The following ZNF391 variants were observed in gnomAD, a reference collection of about 807,000 sequenced individuals.
ZNF391 encodes the protein zinc finger protein 391.
For synonymous variants in ZNF391, 126 were observed against 142.1 expected, an observed-to-expected ratio of 0.89 and a Z score of 0.80; for missense variants, 375 against 425.5, an observed-to-expected ratio of 0.88 and a Z score of 1.04.
Position 27,403,465 on chromosome 6 carries a change from G to C in ZNF391, c.*2018G>C, listed in dbSNP as rs1206918775. ...CTTCTTAGAAATCCTTTGTAGTGAT[G>C]GTTTGCATTATTCTCCTGTATTAGA... On this transcript the variant is annotated 3_prime_UTR_variant, in exon 3 of 3. Transcript: ENST00000244576. 6.6e-6 allele frequency: 1 copy of C among 152,036 alleles called. No homozygotes were observed. The highest frequency in any genetic ancestry group is 2.4e-5 in the African/African-American group (1 of 41,376). The allele number at this position is 152,036 out of a possible 1,614,324, so 9.4% of individuals were successfully genotyped here.
At chr6:27,388,046 C>G (rs1761612536), upstream of ZNF391, among the ~76,000 whole-genome samples, 1 of 152,084 alleles carries the variant, frequency 6.6e-6, no homozygotes, top group African/African-American at 2.4e-5. Context: ...TGTCATGTAT[C>G]AGACCTGCAG....
intron 1 of ZNF391, among the ~76,000 whole-genome samples, chr6:27,378,809 G>A (rs558303062): frequency 1.3e-5 from 2 of 152,080 alleles, no homozygotes; most frequent in Non-Finnish European, 2.9e-5. Context: ...GTGCATGGTG[G>A]CATGTGCCTA....
chr6:27,395,426 G>A (rs1209080094), intron 1 of ZNF391, among the ~76,000 whole-genome samples: 1 of 151,888 alleles, frequency 6.6e-6, no homozygotes, highest in Non-Finnish European at 1.5e-5. Context: ...TTCACCTTCC[G>A]TTGTGAGTAA....
At chr6:27,382,031 T>C (rs1376558567) in intron 1 of ZNF391, among the ~76,000 whole-genome samples, 3 of 15,502 alleles carry the variant, frequency 1.9e-4, no homozygotes, top group Non-Finnish European at 3.1e-4. Context: ...CAAGACTCCA[T>C]CTCAAAAAAA....
chr6:27,392,329 C>T (rs1283293295), intron 1 of ZNF391, among the ~76,000 whole-genome samples: 2 of 152,142 alleles, frequency 1.3e-5, no homozygotes, highest in African/African-American at 4.8e-5. Flanking sequence ...AGTCTTGGCT[C>T]ACTGCAACCT....
At chr6:27,383,914 C>A (rs1220058386), upstream of ZNF391, among the ~76,000 whole-genome samples, 1 of 152,154 alleles carries the variant, frequency 6.6e-6, no homozygotes. Flanking sequence ...AGATTTACAT[C>A]TGACTTCTCA....
chr6:27,388,854 C>A lies in ZNF391; in HGVS notation c.-409C>A, dbSNP rs374834053. 4 of 452,296 alleles carry A rather than the reference C, an allele frequency of 8.8e-6. No individual in the cohort carries two copies. Among genetic ancestry groups the A allele is most frequent in the South Asian group, 6.3e-5 (4 of 63,808 alleles). The allele number at this position is 452,296 out of a possible 1,614,324, so 28.0% of individuals were successfully genotyped here. On this transcript the variant is annotated 5_prime_UTR_variant, in exon 1 of 3. Transcript: ENST00000244576. ...GACTGGTCCCGCATACCGAGCAGAG[C>A]ATGATCAGCAGCAGTCTGAGTGGAA...
At chr6:27,398,588 G>A (rs1399739461) in intron 1 of ZNF391, among the ~76,000 whole-genome samples, 1 of 152,220 alleles carries the variant, frequency 6.6e-6, no homozygotes, top group Non-Finnish European at 1.5e-5. Flanking sequence ...GCCAGGCGCA[G>A]TGGCTCACGC....
Position 27,400,318 on chromosome 6 carries a change from G to T in ZNF391, c.-53G>T. ...ATAGGGGGATTTGAGCTGAACCAAA[G>T]CATCAACACCAATCAGACTGTTTCC... On this transcript the variant is annotated 5_prime_UTR_variant, in exon 3 of 3. Transcript: ENST00000244576. 1 of 1,421,862 alleles carries T rather than the reference G, an allele frequency of 7.0e-7. No individual in the cohort carries two copies. The highest frequency in any genetic ancestry group is 9.6e-7 in the Non-Finnish European group (1 of 1,044,038). The allele number at this position is 1,421,862 out of a possible 1,614,324, so 88.1% of individuals were successfully genotyped here. A position where few individuals can be genotyped will look rare whatever the true frequency, so the allele number is the denominator to read the frequency against.
At position 27,401,029 on chromosome 6, in the gene ZNF391, C is replaced by T; in HGVS notation, c.659C>T (p.Pro220Leu). ...CAGCGAACTCATACTCAAGAAAGGC[C>T]TTACAAATGTAATGAATGTGGGAAA... Reference protein sequence around the residue: ...QHQRTHTQERPYKCNECGKAF... With the variant: ...QHQRTHTQERLYKCNECGKAF... The change falls in exon 3 of 3, where the codon CCT becomes CTT. Residue 220 changes from proline to leucine, a missense_variant. Transcript: ENST00000244576. 6.2e-7 allele frequency: 1 copy of T among 1,614,178 alleles called. No individual in the cohort carries two copies. Among genetic ancestry groups the T allele is most frequent in the Middle Eastern group, 1.6e-4 (1 of 6,062 alleles).
rs1561813765 is a variant in ZNF391, at chr6:27,398,975, A to G, written c.-187-467A>G. 2.0e-5 allele frequency among the ~76,000 whole-genome samples: 3 copies of G among 152,198 alleles called. No homozygotes were observed. In the South Asian group the frequency reaches 6.2e-4, roughly 31 times the overall value. ...GTAGAGAGAAGGGGCCTCCTGTCCTATGGAAAGCTGAGTTTCTGTTTTATA... is the reference window on the plus strand; with the variant it reads ...GTAGAGAGAAGGGGCCTCCTGTCCTGTGGAAAGCTGAGTTTCTGTTTTATA... On this transcript the variant is annotated intron_variant, in intron 1 of 2. Coordinates refer to ENST00000244576, the MANE Select transcript of ZNF391 (RefSeq NM_001076781.3).
chr6:27,383,917 A>T (rs1437740073), upstream of ZNF391, among the ~76,000 whole-genome samples: 1 of 152,224 alleles, frequency 6.6e-6, no homozygotes, highest in African/African-American at 2.4e-5. Flanking sequence ...TTTACATCTG[A>T]CTTCTCAGAA....
intron 1 of ZNF391, among the ~76,000 whole-genome samples, chr6:27,383,060 C>T (rs1761533156): frequency 6.6e-6 from 1 of 151,844 alleles, no homozygotes; most frequent in African/African-American, 2.4e-5. Context: ...GCAGAGGTTG[C>T]ACCGAGCCGA....
At chr6:27,382,799 G>A in intron 1 of ZNF391, among the ~76,000 whole-genome samples, 1 of 152,188 alleles carries the variant, frequency 6.6e-6, no homozygotes, top group East Asian at 1.9e-4. Flanking sequence ...CTCTGATCTT[G>A]CTGTTTATCC....
In ZNF391 at chr6:27,401,675, T is replaced by C. The variant is rs1017314877; in HGVS notation, c.*228T>C. 15 of 389,278 alleles carry C rather than the reference T, an allele frequency of 3.9e-5. No homozygotes were observed. The highest frequency in any genetic ancestry group is 6.9e-5 in the Non-Finnish European group (15 of 218,766). The allele number at this position is 389,278 out of a possible 1,614,324, so 24.1% of individuals were successfully genotyped here. A position where few individuals can be genotyped will look rare whatever the true frequency, so the allele number is the denominator to read the frequency against. On this transcript the variant is annotated 3_prime_UTR_variant, in exon 3 of 3. Coordinates refer to ENST00000244576, the MANE Select transcript of ZNF391 (RefSeq NM_001076781.3). ...TACTTTTTCTCCCTCTCCCTGTTCT[T>C]TCTTTCTCTTTTCTCAAATAAGTTC... is the stretch of plus-strand genomic sequence containing the variant.
chr6:27,402,382 A>G lies in ZNF391; in HGVS notation c.*935A>G, dbSNP rs1359322490. 6.6e-6 allele frequency: 1 copy of G among 152,078 alleles called. No individual in the cohort carries two copies. Among genetic ancestry groups the G allele is most frequent in the Non-Finnish European group, 1.5e-5 (1 of 68,028 alleles). 9.4% of individuals were successfully genotyped at this position (152,078 alleles called of 1,614,324 possible). A position where few individuals can be genotyped will look rare whatever the true frequency, so the allele number is the denominator to read the frequency against. Reference sequence around the variant, plus strand: ...TCTACTTGACATTTGCAGAATTGGCACTTTTTGCCACTGTTATGCCTTAAA... The same window carrying G: ...TCTACTTGACATTTGCAGAATTGGCGCTTTTTGCCACTGTTATGCCTTAAA... On this transcript the variant is annotated 3_prime_UTR_variant, in exon 3 of 3. Transcript: ENST00000244576.
At chr6:27,400,225 C>G in intron 2 of ZNF391, 68 bp from the exon 3 acceptor site, 1 of 646,282 alleles carries the variant, frequency 1.5e-6, no homozygotes, top group Non-Finnish European at 2.5e-6. Context: ...TGTCTTTTCT[C>G]TGCTGGTTTA....
intron 1 of ZNF391, among the ~76,000 whole-genome samples, chr6:27,382,245 A>G (rs939866134): frequency 2.6e-5 from 4 of 151,374 alleles, no homozygotes; most frequent in Admixed American, 6.6e-5. Context: ...ATTTATCACT[A>G]TAGGAGGCTG....
At chr6:27,392,911 T>C (rs4711148) in intron 1 of ZNF391, among the ~76,000 whole-genome samples, 107,483 of 152,130 alleles carry the variant, frequency 0.71, 38,213 homozygotes, top group Middle Eastern at 0.8. Context: ...CTCAGAGTTA[T>C]TGTGAACAAT....
Sources: gnomAD v4.1 joint callset for allele counts (sites outside exome capture counted in the v4.1 genomes callset) on GRCh38, gnomAD v4.1.1 for gene constraint, MANE v1.5 for transcripts, NCBI Gene and HGNC (gene_info 2026-07-23, HGNC 2026-07-21) for gene names.